The following KLC3 variants were observed in gnomAD, a reference collection of about 807,000 sequenced individuals.
KLC3 encodes the protein kinesin light chain 3, also known as kinesin light chain 2.
In KLC3, 72 loss-of-function variants were observed where a neutral mutation model predicts 62.9. That is an observed-to-expected ratio of 1.15 (90% CI 0.95 to 1.39). The LOEUF (loss-of-function observed/expected upper bound fraction) is 1.39. KLC3 is among the 40% of genes most tolerant of loss of function. KLC3 has a pLI of 0.00. For synonymous variants in KLC3, 377 were observed against 300.5 expected (o/e 1.25, Z -2.63); for missense variants, 848 against 691.6 (o/e 1.23, Z -2.54).
intron 1 of KLC3, among the ~76,000 whole-genome samples, chr19:45,344,605 TAAG>T (rs1033807797): frequency 6.6e-6 from 1 of 152,062 alleles, no homozygotes; most frequent in Non-Finnish European, 1.5e-5. Flanking sequence ...ATTGTGTCTT[TAAG>T]AAGGGAGGGT....
At chr19:45,350,284 G>GGATGCAGTGTTGGGAA in intron 8 of KLC3, 57 bp from the exon 9 acceptor site, 1 of 1,328,290 alleles carries the variant, frequency 7.5e-7, no homozygotes, top group Non-Finnish European at 1.1e-6. Context: ...AGGCGGGACT[G>GGATGCAGTGTTGGGAA]GATGCAGTGT....
intron 3 of KLC3, 97 bp from the exon 4 acceptor site, chr19:45,347,350 A>T: frequency 1.1e-6 from 1 of 905,736 alleles, no homozygotes; most frequent in Non-Finnish European, 1.7e-6. Context: ...CAAAAAAAAA[A>T]AAAAAACAAA....
At chr19:45,347,537 CCA>C in intron 4 of KLC3, 21 bp downstream of exon 4, 2 of 1,594,768 alleles carry the variant, frequency 1.3e-6, no homozygotes, top group Non-Finnish European at 1.7e-6. Context: ...GGAGTACATG[CCA>C]CAGAGGATGG....
intron 1 of KLC3, among the ~76,000 whole-genome samples, chr19:45,341,665 G>A (rs544876544): frequency 1.2e-4 from 18 of 151,888 alleles, no homozygotes; most frequent in African/African-American, 4.3e-4. Flanking sequence ...CTGTGATGGT[G>A]CATGGGGCTG....
At chr19:45,346,404 T>G in intron 2 of KLC3, 140 bp from the exon 3 acceptor site, 5 of 757,974 alleles carry the variant, frequency 6.6e-6, no homozygotes, top group South Asian at 2.1e-5. Context: ...ACTGGGGCCA[T>G]GTTGGCAGAG....
intron 11 of KLC3, 50 bp downstream of exon 11, chr19:45,350,797 A>AGG: frequency 2.1e-6 from 3 of 1,452,314 alleles, no homozygotes; most frequent in Non-Finnish European, 2.9e-6. Context: ...CAGAATCCAC[A>AGG]GCCCACCCCA....
At chr19:45,348,506 A>C in intron 5 of KLC3, 140 bp from the exon 6 acceptor site, 1 of 785,074 alleles carries the variant, frequency 1.3e-6, no homozygotes, top group South Asian at 1.8e-5. Context: ...GGAGGGGCCC[A>C]CAAAAGGCCC....
At position 45,346,621 on chromosome 19, in the gene KLC3, G is replaced by A; in HGVS notation, c.336G>A (p.Leu112=). Residue 112 remains leucine (L), a synonymous_variant, in exon 3 of 13, where the codon CTG becomes CTA. Transcript: ENST00000391946. Reference sequence around the variant, plus strand: ...GGCTGCGCTCGCAGGCCCGGCGGCTGGCCCAGGAGAACGTGTGGCTGCGGG... The same window carrying A: ...GGCTGCGCTCGCAGGCCCGGCGGCTAGCCCAGGAGAACGTGTGGCTGCGGG... ...KQRLRSQARR[L]AQENVWLREE... 1 of 1,551,864 alleles carries A rather than the reference G, an allele frequency of 6.4e-7. No individual in the cohort carries two copies. Among genetic ancestry groups the A allele is most frequent in the Admixed American group, 2.0e-5 (1 of 51,062 alleles).
At chr19:45,349,281 G>A (rs565733887) in intron 7 of KLC3, 148 bp from the exon 8 acceptor site, 5 of 770,878 alleles carry the variant, frequency 6.5e-6, no homozygotes, top group South Asian at 3.7e-5. Context: ...CCGTTAGATG[G>A]TATAACTTGT....
In KLC3 at chr19:45,348,187, G is replaced by A. The variant is rs144763084; in HGVS notation, c.779+27G>A. ...TGAGCACTGCGGCCAGCCATGGCTG[G>A]GGGCAGGAACGGCAGGGACCCATTG... On this transcript the variant is annotated intron_variant, in intron 5 of 12. Transcript: ENST00000391946. 3.2e-4 allele frequency: 501 copies of A among 1,546,058 alleles called. 2 individuals are homozygous for A. The highest frequency in any genetic ancestry group is 6.6e-4 in the Middle Eastern group (3 of 4,578).
rs201870000 is a variant in KLC3, at chr19:45,347,524, T to C, written c.559+8T>C. The C allele has an allele frequency of 4.0e-5, 64 of 1,607,538 alleles. No homozygotes were observed. The highest frequency in any genetic ancestry group is 5.4e-5 in the Non-Finnish European group (64 of 1,177,354). On this transcript the variant is annotated splice_region_variant and intron_variant, in intron 4 of 12. Transcript: ENST00000391946. ...AGGAGGAGGAGAGGAAAGGTGGGTG[T>C]TGGGAGTACATGCCACAGAGGATGG...
At position 45,343,555 on chromosome 19, in the gene KLC3, A is replaced by G. The variant is rs554739712; in HGVS notation, c.-8-1979A>G. 1.5e-4 allele frequency among the ~76,000 whole-genome samples: 23 copies of G among 152,130 alleles called. No homozygotes were observed. In the East Asian group the frequency reaches 4.3e-3, roughly 28 times the overall value. ...TCACCATGTTGGCCAGGCCAGTCTC[A>G]AACTCCTGACCTCAACTGATCCACC... is the stretch of plus-strand genomic sequence containing the variant. On this transcript the variant is annotated intron_variant, in intron 1 of 12. Coordinates refer to ENST00000391946, the MANE Select transcript of KLC3 (RefSeq NM_177417.3).
rs778628117 is a variant in KLC3 at position 45,350,646 on chromosome 19, T to A, written c.1278T>A (p.Leu426=). ...CATCCCCGGCCCCTCCCCAGGCCCTTCGCCGCAGCAGCTCACTCTCCAAGA... is the reference window on the plus strand; with the variant it reads ...CATCCCCGGCCCCTCCCCAGGCCCTACGCCGCAGCAGCTCACTCTCCAAGA... ...TGTAGDAEQA[L]RRSSSLSKIR... is the part of the protein sequence containing the mutation. The change falls in exon 11 of 13, where the codon CTT becomes CTA. Residue 426 remains leucine (L), a synonymous_variant. Coordinates refer to ENST00000391946, the MANE Select transcript of KLC3 (RefSeq NM_177417.3). 2 of 1,613,452 alleles carry A rather than the reference T, an allele frequency of 1.2e-6. No homozygotes were observed. The highest frequency in any genetic ancestry group is 1.7e-6 in the Non-Finnish European group (2 of 1,179,772).
intron 8 of KLC3, 94 bp from the exon 9 acceptor site, chr19:45,350,247 C>T: frequency 1.1e-6 from 1 of 897,120 alleles, no homozygotes; most frequent in South Asian, 1.5e-5. Context: ...CATACCAAGA[C>T]CCCTGTCTCT....
At chr19:45,350,024 C>T (rs966063617) in intron 8 of KLC3, 2 of 449,788 alleles carry the variant, frequency 4.4e-6, no homozygotes, top group Admixed American at 4.0e-5. Flanking sequence ...AAACAGGAGG[C>T]TGCCTGTCCT....
At chr19:45,350,861 T>C (rs1599718788) in intron 11 of KLC3, 93 bp from the exon 12 acceptor site, 2 of 1,434,492 alleles carry the variant, frequency 1.4e-6, no homozygotes, top group Non-Finnish European at 1.9e-6. Flanking sequence ...TCCCCTGTGA[T>C]ACACACAGAT....
chr19:45,348,593 C>T, intron 5 of KLC3, 53 bp from the exon 6 acceptor site: 1 of 1,520,130 alleles, frequency 6.6e-7, no homozygotes, highest in Non-Finnish European at 8.9e-7. Context: ...CCTGTGGCTG[C>T]AGCTGCCCCA....
At chr19:45,351,041 A>G (rs1568528723) in intron 12 of KLC3, 24 bp downstream of exon 12, 12 of 1,614,014 alleles carry the variant, frequency 7.4e-6, no homozygotes, top group Non-Finnish European at 1.0e-5. Flanking sequence ...CTGGGTCAAA[A>G]ATAGAGGAGG....
chr19:45,343,982 C>G (rs1971438814), intron 1 of KLC3, among the ~76,000 whole-genome samples: 1 of 151,808 alleles, frequency 6.6e-6, no homozygotes, highest in South Asian at 2.1e-4. Flanking sequence ...ATCACCACAC[C>G]CAGCTAATTT....
Sources: allele counts gnomAD v4.1 joint callset (sites outside exome capture counted in the v4.1 genomes callset), GRCh38; gene constraint gnomAD v4.1.1; transcripts MANE v1.5; gene names NCBI Gene and HGNC (gene_info 2026-07-23, HGNC 2026-07-21).